The following ITPK1 variants were observed in gnomAD, a reference collection of about 807,000 sequenced individuals.
The protein encoded by ITPK1 is inositol-tetrakisphosphate 1-kinase.
In ITPK1, 21 loss-of-function variants were observed where a neutral mutation model predicts 45.3. The ratio of observed to expected loss-of-function variants is 0.46; its 90% CI spans 0.33 to 0.67. ITPK1 has a LOEUF of 0.67. Ranked by LOEUF, ITPK1 falls within the 30% of genes least tolerant of loss-of-function variation. The pLI, the probability that ITPK1 is intolerant of heterozygous loss-of-function variation, is 0.02. For synonymous variants in ITPK1, 258 were observed against 253.6 expected (o/e 1.02, Z -0.16); for missense variants, 474 against 573.5 (o/e 0.83, Z 1.77).
chr14:92,993,838 G>T, intron 5 of ITPK1, 42 bp downstream of exon 5: 1 of 1,319,986 alleles, frequency 7.6e-7, no homozygotes, highest in Non-Finnish European at 1.1e-6. Context: ...TGACCACAAA[G>T]GTGGCTGCCT....
At chr14:92,981,077 G>T (rs952077082) in intron 5 of ITPK1, among the ~76,000 whole-genome samples, 13 of 152,136 alleles carry the variant, frequency 8.5e-5, no homozygotes, top group Non-Finnish European at 1.6e-4. Flanking sequence ...GCACTGTCCT[G>T]CCCTGTGGAG....
At chr14:92,981,937 T>C (rs960812516) in intron 5 of ITPK1, among the ~76,000 whole-genome samples, 9 of 152,158 alleles carry the variant, frequency 5.9e-5, no homozygotes, top group African/African-American at 2.2e-4. Context: ...GTATTCCAGA[T>C]AGGCAGAACA....
At chr14:93,026,430 A>G (rs1455618649) in intron 3 of ITPK1, among the ~76,000 whole-genome samples, 2 of 152,280 alleles carry the variant, frequency 1.3e-5, no homozygotes, top group Admixed American at 6.5e-5. Context: ...CAACAAATGC[A>G]AATTACAACT....
chr14:92,961,096 A>C (rs1885047348), intron 7 of ITPK1, among the ~76,000 whole-genome samples: 1 of 152,254 alleles, frequency 6.6e-6, no homozygotes, highest in Non-Finnish European at 1.5e-5. Flanking sequence ...TTCCCCTTTT[A>C]GTCGTGAGCT....
intron 3 of ITPK1, among the ~76,000 whole-genome samples, chr14:93,039,319 A>G (rs1197877913): frequency 6.6e-6 from 1 of 152,004 alleles, no homozygotes; most frequent in African/African-American, 2.4e-5. Context: ...CAGCTACTCA[A>G]CCTTCTCTCA....
chr14:92,995,115 C>T (rs909372687), intron 4 of ITPK1, among the ~76,000 whole-genome samples: 6 of 152,280 alleles, frequency 3.9e-5, no homozygotes, highest in Middle Eastern at 3.4e-3. Context: ...TCAGGGCCTC[C>T]GGAGGGAGCC....
chr14:93,061,099 T>C (rs1047032374), intron 3 of ITPK1, among the ~76,000 whole-genome samples: 1 of 152,310 alleles, frequency 6.6e-6, no homozygotes. Flanking sequence ...CAACTTAACA[T>C]GCAAGCTGGT....
At chr14:93,040,261 G>T (rs1298143437) in intron 3 of ITPK1, among the ~76,000 whole-genome samples, 1 of 152,210 alleles carries the variant, frequency 6.6e-6, no homozygotes, top group East Asian at 1.9e-4. Context: ...GTGGACAATG[G>T]GGAGCCTGGG....
chr14:92,976,346 G>A (rs566655793), intron 5 of ITPK1, among the ~76,000 whole-genome samples: 34 of 152,274 alleles, frequency 2.2e-4, no homozygotes, highest in Admixed American at 1.4e-3. Flanking sequence ...TATGGACTCT[G>A]GAAGCAAGGC....
intron 3 of ITPK1, among the ~76,000 whole-genome samples, chr14:93,056,307 C>T (rs1463125028): frequency 2.6e-5 from 4 of 152,164 alleles, no homozygotes; most frequent in Non-Finnish European, 4.4e-5. Context: ...GCCAAGGCCT[C>T]TGGGGTCACC....
intron 2 of ITPK1, among the ~76,000 whole-genome samples, chr14:93,080,005 A>T (rs1345183560): frequency 6.6e-6 from 1 of 152,244 alleles, no homozygotes; most frequent in Non-Finnish European, 1.5e-5. Context: ...AGCAAATTAA[A>T]CTTCCCCCAA....
intron 8 of ITPK1, among the ~76,000 whole-genome samples, chr14:92,955,818 T>C (rs904581683): frequency 1.3e-5 from 2 of 152,186 alleles, no homozygotes; most frequent in African/African-American, 2.4e-5. Context: ...GGACATGTCA[T>C]TGGGCAAAGG....
chr14:93,061,923 C>G (rs1383315573), intron 3 of ITPK1, among the ~76,000 whole-genome samples: 1 of 152,192 alleles, frequency 6.6e-6, no homozygotes. Context: ...GGGGGAAGCT[C>G]TAAGAGAATG....
intron 5 of ITPK1, among the ~76,000 whole-genome samples, chr14:92,981,505 C>G (rs1886227318): frequency 6.6e-6 from 1 of 152,214 alleles, no homozygotes; most frequent in African/African-American, 2.4e-5. Flanking sequence ...AGGACCACCC[C>G]TTCCTGTGGC....
chr14:93,033,175 C>A (rs1889149843), intron 3 of ITPK1, among the ~76,000 whole-genome samples: 1 of 152,194 alleles, frequency 6.6e-6, no homozygotes. Flanking sequence ...TCCTGCAATC[C>A]TACAGGTGAG....
chr14:92,960,305 CA>C (rs1042234795), intron 7 of ITPK1, among the ~76,000 whole-genome samples: 1 of 152,188 alleles, frequency 6.6e-6, no homozygotes, highest in Non-Finnish European at 1.5e-5. Context: ...CGAGGCCCAT[CA>C]GGGGCATCCT....
chr14:92,952,029 GA>G lies in ITPK1; in HGVS notation c.671-17del. On this transcript the variant is annotated splice_polypyrimidine_tract_variant and intron_variant, in intron 8 of 10. Coordinates refer to ENST00000267615, the MANE Select transcript of ITPK1 (RefSeq NM_014216.6). Reference sequence around the variant, plus strand: ...GACTCACGGTCTGAAAAAGCGACAGGAAGGAGCCGGCGTTAGAACCTCAATG... The same window carrying G: ...GACTCACGGTCTGAAAAAGCGACAGGAGGAGCCGGCGTTAGAACCTCAATG... The G allele has an allele frequency of 3.8e-6, 6 of 1,559,374 alleles. No homozygotes were observed. Among genetic ancestry groups the G allele is most frequent in the Non-Finnish European group, 5.2e-6 (6 of 1,150,796 alleles).
intron 5 of ITPK1, among the ~76,000 whole-genome samples, chr14:92,980,241 C>T (rs55815173): frequency 2.0e-3 from 304 of 152,276 alleles, no homozygotes; most frequent in Middle Eastern, 3.4e-3. Flanking sequence ...CAGAACAAGT[C>T]CAGAGAAAAC....
intron 3 of ITPK1, among the ~76,000 whole-genome samples, chr14:93,024,935 G>A (rs1436183844): frequency 6.6e-6 from 1 of 152,128 alleles, no homozygotes; most frequent in Non-Finnish European, 1.5e-5. Context: ...TTGAGGCTGG[G>A]GGGAGCTATC....
Sources: allele counts gnomAD v4.1 joint callset (sites outside exome capture counted in the v4.1 genomes callset), GRCh38; gene constraint gnomAD v4.1.1; transcripts MANE v1.5; gene names NCBI Gene and HGNC (gene_info 2026-07-23, HGNC 2026-07-21).